Variants in FAM107B observed in about 807,000 individuals in gnomAD.
FAM107B encodes family with sequence similarity 107 member B, also known as protein FAM107B.
Under a neutral mutation model 31.5 loss-of-function variants are expected in FAM107B, and 21 were observed. The observed-to-expected ratio is 0.67, with a 90% CI of 0.47 to 0.96. The LOEUF (loss-of-function observed/expected upper bound fraction) is 0.96. Among genes scored for constraint, FAM107B ranks in the 40% least tolerant of loss-of-function variants. The probability of loss-of-function intolerance (pLI) is 0.00; values close to 1 mark genes in which losing one functional copy is unlikely to be tolerated. For missense variants in FAM107B, 452 were observed against 377.1 expected, an observed-to-expected ratio of 1.20 and a Z score of -1.64; for synonymous variants, 157 against 141.5, an observed-to-expected ratio of 1.11 and a Z score of -0.78.
intron 2 of FAM107B, among the ~76,000 whole-genome samples, chr10:14,552,670 C>A (rs1249284766): frequency 1.3e-5 from 2 of 152,060 alleles, no homozygotes; most frequent in African/African-American, 4.8e-5. Context: ...AACTCCATTT[C>A]TACTAAAAAT....
intron 2 of FAM107B, among the ~76,000 whole-genome samples, chr10:14,593,253 T>G (rs1852077007): frequency 6.6e-6 from 1 of 152,190 alleles, no homozygotes; most frequent in Non-Finnish European, 1.5e-5. Context: ...TTAAAAATCC[T>G]TAAAAGAGAA....
chr10:14,539,700 TA>T (rs1190844073), intron 2 of FAM107B, among the ~76,000 whole-genome samples: 1 of 151,460 alleles, frequency 6.6e-6, no homozygotes, highest in East Asian at 1.9e-4. Context: ...GGGAAGGAGG[TA>T]AAAATGGCTT....
intron 1 of FAM107B, among the ~76,000 whole-genome samples, chr10:14,743,423 T>C (rs982384461): frequency 6.6e-6 from 1 of 152,228 alleles, no homozygotes; most frequent in African/African-American, 2.4e-5. Flanking sequence ...ATGAAATCTT[T>C]GCCCGTGCCT....
chr10:14,616,906 G>A (rs1245979727), intron 2 of FAM107B, among the ~76,000 whole-genome samples: 2 of 152,058 alleles, frequency 1.3e-5, no homozygotes, highest in Non-Finnish European at 1.5e-5. Flanking sequence ...GTGACACAGG[G>A]AGACCCTGTC....
intron 2 of FAM107B, among the ~76,000 whole-genome samples, chr10:14,656,572 G>C (rs551633340): frequency 2.0e-5 from 3 of 152,312 alleles, no homozygotes; most frequent in Admixed American, 2.0e-4. Context: ...CAATGTGGGG[G>C]AAGGAAGTGA....
At chr10:14,605,651 G>C (rs1228678622) in intron 2 of FAM107B, among the ~76,000 whole-genome samples, 1 of 152,194 alleles carries the variant, frequency 6.6e-6, no homozygotes, top group Non-Finnish European at 1.5e-5. Flanking sequence ...CCACTGAGGG[G>C]TGGAATCCCT....
At chr10:14,731,627 T>G (rs1189363743) in intron 1 of FAM107B, among the ~76,000 whole-genome samples, 2 of 152,204 alleles carry the variant, frequency 1.3e-5, no homozygotes, top group Non-Finnish European at 2.9e-5. Flanking sequence ...GCATGCACAG[T>G]CATGTCCTGC....
intron 2 of FAM107B, among the ~76,000 whole-genome samples, chr10:14,575,566 G>C (rs183145888): frequency 6.6e-6 from 1 of 152,224 alleles, no homozygotes; most frequent in East Asian, 1.9e-4. Flanking sequence ...TGATGGCCTG[G>C]ACACCAAGGG....
intron 2 of FAM107B, among the ~76,000 whole-genome samples, chr10:14,551,589 C>CTTTT (rs35049608): frequency 1.4e-5 from 2 of 143,928 alleles, no homozygotes; most frequent in Non-Finnish European, 3.0e-5. Flanking sequence ...CACTATTTTC[C>CTTTT]TTTTTTTTTT....
chr10:14,728,807 G>T (rs1188016590), intron 1 of FAM107B, among the ~76,000 whole-genome samples: 1 of 152,130 alleles, frequency 6.6e-6, no homozygotes, highest in East Asian at 1.9e-4. Context: ...GAGTATGTGG[G>T]CATTCATTCT....
At chr10:14,545,942 G>A (rs990941060) in intron 2 of FAM107B, among the ~76,000 whole-genome samples, 1 of 152,156 alleles carries the variant, frequency 6.6e-6, no homozygotes, top group Non-Finnish European at 1.5e-5. Context: ...TTCCTGAGAG[G>A]AAGGAAAATA....
At chr10:14,773,238 A>G in intron 1 of FAM107B, among the ~76,000 whole-genome samples, 1 of 152,220 alleles carries the variant, frequency 6.6e-6, no homozygotes, top group Non-Finnish European at 1.5e-5. Flanking sequence ...GTCAAATGAA[A>G]CTATTTTTTA....
At chr10:14,541,353 G>C (rs1338816286) in intron 2 of FAM107B, among the ~76,000 whole-genome samples, 2 of 152,192 alleles carry the variant, frequency 1.3e-5, no homozygotes, top group African/African-American at 4.8e-5. Context: ...CTTCTCGATA[G>C]TGGAGTCCTC....
intron 2 of FAM107B, among the ~76,000 whole-genome samples, chr10:14,570,708 A>G (rs1314654089): frequency 1.3e-5 from 2 of 152,080 alleles, no homozygotes; most frequent in Non-Finnish European, 2.9e-5. Context: ...AGGCTGAGGC[A>G]GAAGAATCGC....
chr10:14,755,839 C>A (rs77158004), intron 1 of FAM107B, among the ~76,000 whole-genome samples: 1 of 152,162 alleles, frequency 6.6e-6, no homozygotes, highest in Non-Finnish European at 1.5e-5. Context: ...ATCTACACCC[C>A]ATCCCCAAAT....
chr10:14,577,361 C>G (rs1055155286), intron 2 of FAM107B, among the ~76,000 whole-genome samples: 1 of 152,196 alleles, frequency 6.6e-6, no homozygotes, highest in Non-Finnish European at 1.5e-5. Flanking sequence ...AACGTATTCT[C>G]GATGTGTGCT....
At chr10:14,598,810 C>A (rs1037961396) in intron 2 of FAM107B, among the ~76,000 whole-genome samples, 4 of 152,232 alleles carry the variant, frequency 2.6e-5, no homozygotes, top group Non-Finnish European at 5.9e-5. Context: ...GACCACATGT[C>A]CCCACCATGC....
intron 1 of FAM107B, among the ~76,000 whole-genome samples, chr10:14,746,094 GT>G (rs1305893748): frequency 6.6e-6 from 1 of 152,122 alleles, no homozygotes; most frequent in East Asian, 1.9e-4. Flanking sequence ...TTTAAAGTCT[GT>G]TTTGCCAGAA....
chr10:14,621,558 G>A (rs896201530), intron 2 of FAM107B, among the ~76,000 whole-genome samples: 2 of 152,046 alleles, frequency 1.3e-5, no homozygotes, highest in Non-Finnish European at 2.9e-5. Context: ...GTGAAGACAA[G>A]GAATTAAAGA....
Sources: allele counts gnomAD v4.1 joint callset (sites outside exome capture counted in the v4.1 genomes callset), GRCh38; gene constraint gnomAD v4.1.1; transcripts MANE v1.5; gene names NCBI Gene and HGNC (gene_info 2026-07-23, HGNC 2026-07-21).